SERTAD4: variants seen among roughly 807,000 people sequenced by gnomAD.
The protein encoded by SERTAD4 is SERTA domain-containing protein 4.
Under a neutral mutation model 32.9 loss-of-function variants are expected in SERTAD4, and 18 were observed. That is an observed-to-expected ratio of 0.55 (90% CI 0.38 to 0.81). The LOEUF is 0.81. Among genes scored for constraint, SERTAD4 ranks in the 30% least tolerant of loss-of-function variants. SERTAD4 has a pLI of 0.00. For missense variants in SERTAD4, 383 were observed against 426.0 expected (o/e 0.90, Z 0.89); for synonymous variants, 150 against 156.4 (o/e 0.96, Z 0.30).
Position 210,241,534 on chromosome 1 carries a change from CTTTTTTT to C in SERTAD4, c.292-16_292-10del. 3 of 1,110,534 alleles carry C rather than the reference CTTTTTTT, an allele frequency of 2.7e-6. No homozygotes were observed. The highest frequency in any genetic ancestry group is 3.6e-6 in the Non-Finnish European group (3 of 837,026). The allele number at this position is 1,110,534 out of a possible 1,614,324, so 68.8% of individuals were successfully genotyped here. ...TCTTCCTTTTTCTGTTTGTTTTTTT[CTTTTTTT>C]TTTTTTTGGTTTGTAGACCATCTCA... On this transcript the variant is annotated splice_polypyrimidine_tract_variant and intron_variant, in intron 3 of 3. Transcript: ENST00000367012.
In SERTAD4 at chr1:210,244,737, G is replaced by T. The variant is rs995528569; in HGVS notation, c.*2400G>T. The T allele has an allele frequency of 6.6e-6, 1 of 152,008 alleles. No homozygotes were observed. Among genetic ancestry groups the T allele is most frequent in the Non-Finnish European group, 1.5e-5 (1 of 68,024 alleles). The allele number at this position is 152,008 out of a possible 1,614,324, so 9.4% of individuals were successfully genotyped here. A position where few individuals can be genotyped will look rare whatever the true frequency, so the allele number is the denominator to read the frequency against. On this transcript the variant is annotated 3_prime_UTR_variant, in exon 4 of 4. Coordinates refer to ENST00000367012, the MANE Select transcript of SERTAD4 (RefSeq NM_019605.5). Reference sequence around the variant, plus strand: ...CCAAAGCTGTAAAATGACAAAGTTGGTGATTTTCAGCAGCACTCACCTGAG... The same window carrying T: ...CCAAAGCTGTAAAATGACAAAGTTGTTGATTTTCAGCAGCACTCACCTGAG...
At position 210,245,123 on chromosome 1, in the gene SERTAD4, G is replaced by T. The variant is rs996201209; in HGVS notation, c.*2786G>T. 6.6e-6 allele frequency: 1 copy of T among 152,026 alleles called. No homozygotes were observed. Among genetic ancestry groups the T allele is most frequent in the Non-Finnish European group, 1.5e-5 (1 of 68,036 alleles). The allele number at this position is 152,026 out of a possible 1,614,324, so 9.4% of individuals were successfully genotyped here. A position where few individuals can be genotyped will look rare whatever the true frequency, so the allele number is the denominator to read the frequency against. ...TAACTGGATTCTATAGTTTTATCTC[G>T]AGCAACTTGGAAAAGCTAAGACATC... On this transcript the variant is annotated 3_prime_UTR_variant, in exon 4 of 4. Transcript: ENST00000367012.
chr1:210,236,847 T>C (rs2147845431), intron 1 of SERTAD4, among the ~76,000 whole-genome samples: 1 of 152,336 alleles, frequency 6.6e-6, no homozygotes, highest in Admixed American at 6.5e-5. Flanking sequence ...CACTGGTCTA[T>C]GGCTGCTAGG....
intron 3 of SERTAD4, among the ~76,000 whole-genome samples, chr1:210,240,047 G>A (rs2083979823): frequency 6.6e-6 from 1 of 151,922 alleles, no homozygotes; most frequent in Non-Finnish European, 1.5e-5. Flanking sequence ...ACCTCTTATG[G>A]GTAGACTCAT....
intron 3 of SERTAD4, among the ~76,000 whole-genome samples, chr1:210,239,991 C>G (rs1000906504): frequency 7.9e-5 from 12 of 152,160 alleles, no homozygotes; most frequent in Non-Finnish European, 1.5e-4. Flanking sequence ...GCCAATGCTA[C>G]TTCCCTGTGT....
chr1:210,238,345 T>C (rs968685101), intron 2 of SERTAD4, among the ~76,000 whole-genome samples: 1 of 152,208 alleles, frequency 6.6e-6, no homozygotes, highest in Non-Finnish European at 1.5e-5. Context: ...TTCAAACCTG[T>C]GTCTACCCAT....
chr1:210,241,429 A>T, intron 3 of SERTAD4, 129 bp from the exon 4 acceptor site: 1 of 939,998 alleles, frequency 1.1e-6, no homozygotes, highest in Non-Finnish European at 1.5e-6. Flanking sequence ...CAAGACCACA[A>T]CATGCCCAGA....
In SERTAD4 at chr1:210,243,083, A is replaced by T. The variant is rs879024231; in HGVS notation, c.*746A>T. On this transcript the variant is annotated 3_prime_UTR_variant, in exon 4 of 4. Transcript: ENST00000367012. ...AAATCAGAGTTACAGCAGGGATTTA[A>T]CAAACAGGACAAAAAAAAAAAAAAA... 5.2e-6 allele frequency: 5 copies of T among 961,346 alleles called. No homozygotes were observed. In the South Asian group the frequency reaches 2.7e-4, roughly 52 times the overall value. The allele number at this position is 961,346 out of a possible 1,614,324, so 59.6% of individuals were successfully genotyped here. A position where few individuals can be genotyped will look rare whatever the true frequency, so the allele number is the denominator to read the frequency against.
At position 210,241,546 on chromosome 1, in the gene SERTAD4, T is replaced by C. The variant is rs2083994905; in HGVS notation, c.292-12T>C. On this transcript the variant is annotated splice_polypyrimidine_tract_variant and intron_variant, in intron 3 of 3. Coordinates refer to ENST00000367012, the MANE Select transcript of SERTAD4 (RefSeq NM_019605.5). ...TGTTTGTTTTTTTCTTTTTTTTTTTTTTGGTTTGTAGACCATCTCAATTTT... is the reference window on the plus strand; with the variant it reads ...TGTTTGTTTTTTTCTTTTTTTTTTTCTTGGTTTGTAGACCATCTCAATTTT... The C allele has an allele frequency of 6.7e-7, 1 of 1,487,152 alleles. No homozygotes were observed. The highest frequency in any genetic ancestry group is 8.9e-7 in the Non-Finnish European group (1 of 1,121,468). The allele number at this position is 1,487,152 out of a possible 1,614,324, so 92.1% of individuals were successfully genotyped here.
At chr1:210,241,496 TC>T in intron 3 of SERTAD4, 61 bp from the exon 4 acceptor site, 1 of 1,475,004 alleles carries the variant, frequency 6.8e-7, no homozygotes, top group Non-Finnish European at 9.1e-7. Flanking sequence ...TAGTCCATTT[TC>T]TAAGCTTTCT....
At chr1:210,234,142 C>T (rs1465489016) in intron 1 of SERTAD4, 5 of 245,674 alleles carry the variant, frequency 2.0e-5, no homozygotes, top group Non-Finnish European at 3.9e-5. Context: ...CAGCGGCCGA[C>T]CGGGCGCTGC....
intron 2 of SERTAD4, among the ~76,000 whole-genome samples, chr1:210,238,609 T>A (rs2083966505): frequency 6.6e-6 from 1 of 152,210 alleles, no homozygotes; most frequent in African/African-American, 2.4e-5. Context: ...ATTGGAACGC[T>A]AAGCTTGTGG....
chr1:210,238,197 T>C, intron 2 of SERTAD4, 62 bp downstream of exon 2: 1 of 1,025,300 alleles, frequency 9.8e-7, no homozygotes, highest in South Asian at 1.5e-5. Context: ...GCCAGCCTGG[T>C]GGACAGGAGG....
chr1:210,233,588 G>A (rs1171464031), intron 1 of SERTAD4: 2 of 447,024 alleles, frequency 4.5e-6, no homozygotes, highest in Admixed American at 5.2e-5. Flanking sequence ...CTCCCAGGCA[G>A]CAGAGCTGCG....
In SERTAD4 at chr1:210,242,613, A is replaced by C; in HGVS notation, c.*276A>C. ...CTTACGGAAAAGATCAGTAGATGAG[A>C]TTGGGGGACAATGTGCCCTTGCAAT... On this transcript the variant is annotated 3_prime_UTR_variant, in exon 4 of 4. Coordinates refer to ENST00000367012, the MANE Select transcript of SERTAD4 (RefSeq NM_019605.5). This position sits in a 1 kb window ranked among gnomAD's most constrained non-coding sequence, Gnocchi z 4.0. 1 of 1,148,980 alleles carries C rather than the reference A, an allele frequency of 8.7e-7. No individual in the cohort carries two copies. Among genetic ancestry groups the C allele is most frequent in the South Asian group, 4.0e-5 (1 of 24,816 alleles). The allele number at this position is 1,148,980 out of a possible 1,614,324, so 71.2% of individuals were successfully genotyped here. A position where few individuals can be genotyped will look rare whatever the true frequency, so the allele number is the denominator to read the frequency against.
intron 3 of SERTAD4, 60 bp downstream of exon 3, chr1:210,239,668 C>T (rs2083976699): frequency 2.2e-6 from 2 of 909,040 alleles, no homozygotes; most frequent in Non-Finnish European, 1.7e-6. Flanking sequence ...GTAACAGTTG[C>T]TTGATCCACT....
intron 1 of SERTAD4, chr1:210,233,502 G>C (rs1398289774): frequency 2.8e-6 from 1 of 352,284 alleles, no homozygotes; most frequent in African/African-American, 2.2e-5. Context: ...TGTCAGGAGC[G>C]CGCGTTTGCA....
chr1:210,240,646 T>C (rs1245690124), intron 3 of SERTAD4, among the ~76,000 whole-genome samples: 1 of 152,214 alleles, frequency 6.6e-6, no homozygotes, highest in Non-Finnish European at 1.5e-5. Context: ...AGTTTCCCAG[T>C]TGCTACTGGA....
chr1:210,241,430 C>G (rs925190161), intron 3 of SERTAD4, 128 bp from the exon 4 acceptor site: 20 of 944,496 alleles, frequency 2.1e-5, no homozygotes, highest in Non-Finnish European at 3.1e-5. Context: ...AAGACCACAA[C>G]ATGCCCAGAC....
Sources: allele counts gnomAD v4.1 joint callset (sites outside exome capture counted in the v4.1 genomes callset), GRCh38; gene constraint gnomAD v4.1.1; non-coding constraint Gnocchi (gnomAD v3.1); transcripts MANE v1.5; gene names NCBI Gene and HGNC (gene_info 2026-07-23, HGNC 2026-07-21).